FAM200B: variants seen among roughly 807,000 people sequenced by gnomAD.
The protein encoded by FAM200B is protein FAM200B.
FAM200B carries 32 observed loss-of-function variants against 33.1 expected under a neutral mutation model. That is an observed-to-expected ratio of 0.97 (90% CI 0.73 to 1.30). The LOEUF (loss-of-function observed/expected upper bound fraction) is 1.30. Ranked by LOEUF, FAM200B falls within the 50% of genes most tolerant of loss-of-function variation. The probability of loss-of-function intolerance (pLI) is 0.00; values close to 1 mark genes in which losing one functional copy is unlikely to be tolerated. For synonymous variants in FAM200B, 240 were observed against 264.8 expected (o/e 0.91, Z 0.91); for missense variants, 741 against 754.0 (o/e 0.98, Z 0.20).
chr4:15,644,524 C>T, the FAM200B span: 1 of 1,613,728 alleles, frequency 6.2e-7, no homozygotes, highest in Non-Finnish European at 8.5e-7. Flanking sequence ...TTCAAAGAGG[C>T]TAAGCATCTC....
chr4:15,674,219 T>TC, the FAM200B span, among the ~76,000 whole-genome samples: 1 of 151,858 alleles, frequency 6.6e-6, no homozygotes, highest in African/African-American at 2.4e-5. Context: ...TTTTTTTTTT[T>TC]TAATTCTCTA....
At chr4:15,675,525 G>A in the FAM200B span, among the ~76,000 whole-genome samples, 1 of 150,604 alleles carries the variant, frequency 6.6e-6, no homozygotes, top group Non-Finnish European at 1.5e-5. Flanking sequence ...AACCACTCAA[G>A]GAGTTGAACC....
chr4:15,648,553 A>T, the FAM200B span, among the ~76,000 whole-genome samples: 1 of 152,228 alleles, frequency 6.6e-6, no homozygotes, highest in Non-Finnish European at 1.5e-5. Flanking sequence ...ATAAAAAAGG[A>T]AATCCTGTCA....
At chr4:15,675,933 A>G in the FAM200B span, among the ~76,000 whole-genome samples, 18 of 152,282 alleles carry the variant, frequency 1.2e-4, no homozygotes, top group East Asian at 3.5e-3. Flanking sequence ...GACTACCTCA[A>G]ACAGAATTCT....
At chr4:15,678,334 A>G (rs1190368051), upstream of FAM200B, among the ~76,000 whole-genome samples, 1 of 152,198 alleles carries the variant, frequency 6.6e-6, no homozygotes, top group Non-Finnish European at 1.5e-5. Context: ...TTTCCCAATA[A>G]CTTACTCAGA....
chr4:15,652,702 T>C, the FAM200B span, among the ~76,000 whole-genome samples: 1 of 152,214 alleles, frequency 6.6e-6, no homozygotes, highest in African/African-American at 2.4e-5. Context: ...TACTTGATGC[T>C]AGTAAATAAA....
At position 15,688,209 on chromosome 4, in the gene FAM200B, A is replaced by C. The variant is rs1462769663; in HGVS notation, c.1232A>C (p.Glu411Ala). The change falls in exon 2 of 2, where the codon GAA (glutamate) becomes GCA (alanine). Residue 411 changes from glutamate to alanine, a missense_variant. Physicochemically the swap from Glu to Ala is moderately radical, Grantham distance 107. Transcript: ENST00000422728. ...LRNEIHFFLIEKKSHLASIFE... is the reference protein window; with the variant it reads ...LRNEIHFFLIAKKSHLASIFE... ...AATGAGATTCACTTTTTTCTCATTG[A>C]AAAAAAATCTCATTTGGCAAGTATT... is the stretch of plus-strand genomic sequence containing the variant. 1.3e-6 allele frequency: 2 copies of C among 1,549,710 alleles called. No individual in the cohort carries two copies. Among genetic ancestry groups the C allele is most frequent in the Admixed American group, 3.9e-5 (2 of 50,860 alleles).
chr4:15,641,241 T>G, the FAM200B span, among the ~76,000 whole-genome samples: 4 of 152,182 alleles, frequency 2.6e-5, no homozygotes, highest in Non-Finnish European at 5.9e-5. Context: ...AGAATCCCTT[T>G]ATGGTCATCT....
At chr4:15,655,820 G>C in the FAM200B span, among the ~76,000 whole-genome samples, 1 of 152,176 alleles carries the variant, frequency 6.6e-6, no homozygotes, top group African/African-American at 2.4e-5. Context: ...CCCTGCGATT[G>C]GCCCGTGCCA....
At chr4:15,638,735 C>A in the FAM200B span, 2 of 1,285,896 alleles carry the variant, frequency 1.6e-6, no homozygotes, top group Non-Finnish European at 2.2e-6. Flanking sequence ...ATGCTTCATT[C>A]GTGTTGATTT....
the FAM200B span, among the ~76,000 whole-genome samples, chr4:15,656,584 CTT>C: frequency 3.3e-5 from 5 of 152,184 alleles, no homozygotes; most frequent in African/African-American, 1.2e-4. Flanking sequence ...TAGTTCTAAT[CTT>C]ATATTACTAT....
chr4:15,647,306 A>C, the FAM200B span, among the ~76,000 whole-genome samples: 1 of 151,580 alleles, frequency 6.6e-6, no homozygotes, highest in Admixed American at 6.6e-5. Flanking sequence ...TAACAACTAC[A>C]TACATAGCAT....
In FAM200B at chr4:15,687,598, T is replaced by G; in HGVS notation, c.621T>G (p.Ile207Met). Residue 207 changes from isoleucine to methionine, a missense_variant, in exon 2 of 2, where the codon ATT (isoleucine) becomes ATG (methionine). By Grantham distance (10) the Ile-to-Met change is conservative. Coordinates refer to ENST00000422728, the MANE Select transcript of FAM200B (RefSeq NM_001145191.2). ...CAGTATCTCTTCGAATTTGTACTAT[T>G]GCAGAACATTTAGAAACAATGCTTA... ...DNTVSLRICT[I>M]AEHLETMLIT... 6.4e-7 allele frequency: 1 copy of G among 1,551,054 alleles called. No homozygotes were observed. The highest frequency in any genetic ancestry group is 2.4e-5 in the East Asian group (1 of 40,874).
chr4:15,651,025 G>C, the FAM200B span, among the ~76,000 whole-genome samples: 1 of 152,148 alleles, frequency 6.6e-6, no homozygotes, highest in Non-Finnish European at 1.5e-5. Context: ...GTCACTTAAA[G>C]ACGATACAGT....
rs533347402 is a variant in FAM200B at position 15,686,017 on chromosome 4, C to G, written c.-742-219C>G. On this transcript the variant is annotated intron_variant, in intron 1 of 1. Coordinates refer to ENST00000422728, the MANE Select transcript of FAM200B (RefSeq NM_001145191.2). ...ACTTTCCAAGTCCTGATGCCAACTT[C>G]TGGGTTTTACTGTCACTATTTTTCT... is the stretch of plus-strand genomic sequence containing the variant. Among the ~76,000 whole-genome samples the G allele has an allele frequency of 2.6e-4, 40 of 152,282 alleles. No individual in the cohort carries two copies. The South Asian group carries it at 3.9e-3, about 15-fold the overall frequency.
rs1261837618 is a variant in FAM200B, at chr4:15,689,666, A to C, written c.*715A>C. 2 of 157,682 alleles carry C rather than the reference A, an allele frequency of 1.3e-5. No individual in the cohort carries two copies. Among genetic ancestry groups the C allele is most frequent in the African/African-American group, 4.8e-5 (2 of 41,418 alleles). The allele number at this position is 157,682 out of a possible 1,614,324, so 9.8% of individuals were successfully genotyped here. ...GTGGTGCACACCTATAGTCCCAGCT[A>C]CTCAGGAGGCTGTGGCAGGAGGGTC... On this transcript the variant is annotated 3_prime_UTR_variant, in exon 2 of 2. Coordinates refer to ENST00000422728, the MANE Select transcript of FAM200B (RefSeq NM_001145191.2).
At chr4:15,640,167 A>C in the FAM200B span, among the ~76,000 whole-genome samples, 1 of 152,144 alleles carries the variant, frequency 6.6e-6, no homozygotes, top group Non-Finnish European at 1.5e-5. Context: ...CAAGCTCCCA[A>C]GTAGCTGAGA....
the FAM200B span, among the ~76,000 whole-genome samples, chr4:15,637,251 G>A: frequency 1.2e-4 from 19 of 152,258 alleles, no homozygotes; most frequent in East Asian, 5.8e-4. Flanking sequence ...CAGGTGAGAC[G>A]ACAAAATGTA....
At chr4:15,667,305 G>A in the FAM200B span, among the ~76,000 whole-genome samples, 1 of 152,046 alleles carries the variant, frequency 6.6e-6, no homozygotes, top group African/African-American at 2.4e-5. Flanking sequence ...TATGATATAG[G>A]CACTCAACAT....
Sources: allele counts gnomAD v4.1 joint callset (sites outside exome capture counted in the v4.1 genomes callset), GRCh38; gene constraint gnomAD v4.1.1; transcripts MANE v1.5; gene names NCBI Gene and HGNC (gene_info 2026-07-23, HGNC 2026-07-21).